MBNL1: variants seen among roughly 807,000 people sequenced by gnomAD.
The protein encoded by MBNL1 is muscleblind like splicing regulator 1, also known as muscleblind-like protein 1.
MBNL1 carries 8 observed loss-of-function variants against 42.2 expected under a neutral mutation model. The ratio of observed to expected loss-of-function variants is 0.19; its 90% CI spans 0.11 to 0.34. MBNL1 has a LOEUF of 0.34. Ranked by LOEUF, MBNL1 falls within the 10% of genes least tolerant of loss-of-function variation. The probability of loss-of-function intolerance (pLI) is 1.00; values close to 1 mark genes in which losing one functional copy is unlikely to be tolerated. For synonymous variants in MBNL1, 169 were observed against 173.9 expected (o/e 0.97, Z 0.22); for missense variants, 309 against 495.3 (o/e 0.62, Z 3.57).
At chr3:152,308,517 G>A (rs545882501) in intron 2 of MBNL1, among the ~76,000 whole-genome samples, 2 of 152,292 alleles carry the variant, frequency 1.3e-5, no homozygotes, top group South Asian at 4.1e-4. Flanking sequence ...GACAGGGTAT[G>A]CAGTGAGGAG....
chr3:152,329,943 A>C lies in MBNL1; in HGVS notation c.174+29576A>C, dbSNP rs553849309. 4.6e-5 allele frequency among the ~76,000 whole-genome samples: 7 copies of C among 152,054 alleles called. No individual in the cohort carries two copies. In the South Asian group the frequency reaches 1.5e-3, roughly 32 times the overall value. ...GATTATTTCTATGAATTCTCTAAAA[A>C]ATATAAATTGTAACTGTCTATATCA... On this transcript the variant is annotated intron_variant, in intron 2 of 9. Transcript: ENST00000324210.
Position 152,414,958 on chromosome 3 carries a change from G to A in MBNL1, c.192G>A (p.Glu64=), listed in dbSNP as rs1001672784. 1.2e-6 allele frequency: 2 copies of A among 1,610,178 alleles called. No homozygotes were observed. Among genetic ancestry groups the A allele is most frequent in the Non-Finnish European group, 1.7e-6 (2 of 1,178,826 alleles). The change falls in exon 3 of 10, where the codon GAG becomes GAA. Residue 64 remains glutamate (E), a synonymous_variant. Transcript: ENST00000324210. ...TTCTCTAGGGCCGTTGCTCCAGGGA[G>A]AACTGCAAATATCTTCATCCACCCC... is the stretch of plus-strand genomic sequence containing the variant. The part of the protein sequence containing the change: ...FDSLKGRCSR[E]NCKYLHPPPH...
At chr3:152,441,582 T>C (rs945998043) in intron 4 of MBNL1, among the ~76,000 whole-genome samples, 6 of 152,230 alleles carry the variant, frequency 3.9e-5, no homozygotes, top group Admixed American at 2.0e-4. Context: ...TGGGAAATTT[T>C]CCTGATTATG....
At chr3:152,379,736 T>G (rs189628986) in intron 2 of MBNL1, among the ~76,000 whole-genome samples, 1 of 152,272 alleles carries the variant, frequency 6.6e-6, no homozygotes, top group East Asian at 1.9e-4. Context: ...TTGTTTTGTT[T>G]TTGAGAAGTT....
chr3:152,294,637 A>G (rs964836223), intron 1 of MBNL1, among the ~76,000 whole-genome samples: 66 of 152,114 alleles, frequency 4.3e-4, no homozygotes, highest in African/African-American at 1.5e-3. Context: ...ATTATAATGT[A>G]TTGAAATATA....
At chr3:152,251,620 G>A (rs992022031) in intron 2 of MBNL1, among the ~76,000 whole-genome samples, 2 of 151,722 alleles carry the variant, frequency 1.3e-5, no homozygotes, top group Non-Finnish European at 2.9e-5. Flanking sequence ...TTAATAAAGT[G>A]CTCCTCATTG....
At chr3:152,347,292 T>C (rs1329516514) in intron 2 of MBNL1, among the ~76,000 whole-genome samples, 6 of 151,984 alleles carry the variant, frequency 3.9e-5, no homozygotes. Context: ...TTTAAAAATA[T>C]TTTCCATGAG....
At position 152,456,321 on chromosome 3, in the gene MBNL1, C is replaced by G; in HGVS notation, c.1052C>G (p.Ala351Gly). ...ACTGTGTCCGCAGCAACAACATCTG[C>G]CACAAGTGTTCCCTTCGCTGCAACA... is the stretch of plus-strand genomic sequence containing the variant. ...PATVSAATTSATSVPFAATAT... is the reference protein window; with the variant it reads ...PATVSAATTSGTSVPFAATAT... The change falls in exon 8 of 10, where the codon GCC becomes GGC. Residue 351 changes from alanine (A) to glycine (G), a missense_variant. By Grantham distance (60) the Ala-to-Gly change is moderately conservative. Coordinates refer to ENST00000324210, the MANE Select transcript of MBNL1 (RefSeq NM_021038.5). 1 of 1,614,026 alleles carries G rather than the reference C, an allele frequency of 6.2e-7. No individual in the cohort carries two copies. The highest frequency in any genetic ancestry group is 2.2e-5 in the East Asian group (1 of 44,878).
chr3:152,447,977 G>T (rs1248252071), intron 6 of MBNL1, among the ~76,000 whole-genome samples: 4 of 152,174 alleles, frequency 2.6e-5, no homozygotes, highest in African/African-American at 9.7e-5. Flanking sequence ...GTGGATTAAA[G>T]ATCAGTGGTA....
At chr3:152,311,382 A>G (rs2066383130) in intron 2 of MBNL1, among the ~76,000 whole-genome samples, 1 of 152,194 alleles carries the variant, frequency 6.6e-6, no homozygotes. Flanking sequence ...TGTTTCTAAT[A>G]TATGCCTAGT....
chr3:152,387,028 A>G (rs558684577), intron 2 of MBNL1, among the ~76,000 whole-genome samples: 1 of 152,136 alleles, frequency 6.6e-6, no homozygotes, highest in Non-Finnish European at 1.5e-5. Context: ...CAACAGGCCA[A>G]TGCAGCTTGA....
At chr3:152,429,413 A>G (rs2098977319) in intron 3 of MBNL1, among the ~76,000 whole-genome samples, 1 of 152,258 alleles carries the variant, frequency 6.6e-6, no homozygotes, top group African/African-American at 2.4e-5. Flanking sequence ...AAAGGCAATT[A>G]TAAACCAAAC....
intron 2 of MBNL1, among the ~76,000 whole-genome samples, chr3:152,323,972 G>T (rs983504134): frequency 1.3e-5 from 2 of 152,156 alleles, no homozygotes; most frequent in Non-Finnish European, 2.9e-5. Flanking sequence ...AAAGCACAGG[G>T]TATGCAAAAA....
intron 6 of MBNL1, among the ~76,000 whole-genome samples, chr3:152,453,538 A>G (rs1486463509): frequency 6.6e-6 from 1 of 152,238 alleles, no homozygotes; most frequent in Non-Finnish European, 1.5e-5. Flanking sequence ...TTTGCACATT[A>G]TTAGTAGTAA....
At chr3:152,441,719 A>G (rs570331428) in intron 4 of MBNL1, among the ~76,000 whole-genome samples, 1 of 152,366 alleles carries the variant, frequency 6.6e-6, no homozygotes, top group Non-Finnish European at 1.5e-5. Context: ...TAAAAGGCTC[A>G]TGTTGAATCA....
chr3:152,394,762 C>A (rs1396586900), intron 2 of MBNL1, among the ~76,000 whole-genome samples: 1 of 152,224 alleles, frequency 6.6e-6, no homozygotes, highest in African/African-American at 2.4e-5. Flanking sequence ...CAGATGGAGC[C>A]TGACTCTGGG....
At chr3:152,460,337 C>T (rs1330662246) in intron 9 of MBNL1, among the ~76,000 whole-genome samples, 1 of 151,546 alleles carries the variant, frequency 6.6e-6, no homozygotes, top group Non-Finnish European at 1.5e-5. Context: ...TCTACATATT[C>T]AAATGAATCT....
intron 2 of MBNL1, among the ~76,000 whole-genome samples, chr3:152,328,792 CAT>C (rs888348323): frequency 5.3e-5 from 8 of 152,180 alleles, no homozygotes; most frequent in African/African-American, 1.9e-4. Context: ...TGAAGGTCAA[CAT>C]ATGGATTTTT....
At chr3:152,457,859 CACTTT>C (rs1407842227) in intron 8 of MBNL1, 5 of 374,238 alleles carry the variant, frequency 1.3e-5, no homozygotes, top group African/African-American at 1.0e-4. Context: ...TTGTAGGGGA[CACTTT>C]ACTTTTTGCA....
Sources: gnomAD v4.1 joint callset for allele counts (sites outside exome capture counted in the v4.1 genomes callset) on GRCh38, gnomAD v4.1.1 for gene constraint, MANE v1.5 for transcripts, NCBI Gene and HGNC (gene_info 2026-07-23, HGNC 2026-07-21) for gene names.